The following KCNQ3 variants were observed in gnomAD, a reference collection of about 807,000 sequenced individuals.
The protein encoded by KCNQ3 is potassium voltage-gated channel subfamily Q member 3, also known as potassium voltage-gated channel subfamily KQT member 3.
In KCNQ3, 30 loss-of-function variants were observed where a neutral mutation model predicts 92.5. The ratio of observed to expected loss-of-function variants is 0.32; its 90% CI spans 0.24 to 0.44. The LOEUF (loss-of-function observed/expected upper bound fraction) is 0.44. Ranked by LOEUF, KCNQ3 falls within the 20% of genes least tolerant of loss-of-function variation. The pLI is 1.00. For synonymous variants in KCNQ3, 450 were observed against 468.8 expected (o/e 0.96, Z 0.52); for missense variants, 913 against 1,140.3 (o/e 0.80, Z 2.87).
chr8:132,208,535 G>A (rs977332437), intron 1 of KCNQ3, among the ~76,000 whole-genome samples: 1 of 151,976 alleles, frequency 6.6e-6, no homozygotes, highest in African/African-American at 2.4e-5. Context: ...GTGAAATGAG[G>A]CACAATATTA....
At chr8:132,216,358 G>A (rs986547725) in intron 1 of KCNQ3, among the ~76,000 whole-genome samples, 2 of 152,236 alleles carry the variant, frequency 1.3e-5, no homozygotes, top group African/African-American at 4.8e-5. Context: ...ACCAGGGCTG[G>A]ATGCCACAGG....
At position 132,454,211 on chromosome 8, in the gene KCNQ3, A is replaced by G. The variant is rs1489574779; in HGVS notation, c.386+25936T>C. ...GAGAAGGGCCCAGAAAAGGACTGGG[A>G]GAGAAAGCATGGGCCTGTCCTCGGG... On this transcript the variant is annotated intron_variant, in intron 1 of 14. Transcript: ENST00000388996. 3.3e-5 allele frequency among the ~76,000 whole-genome samples: 5 copies of G among 152,104 alleles called. No homozygotes were observed. In the South Asian group the frequency reaches 6.2e-4, roughly 19 times the overall value.
At chr8:132,384,081 C>G (rs1314538577) in intron 1 of KCNQ3, among the ~76,000 whole-genome samples, 1 of 152,158 alleles carries the variant, frequency 6.6e-6, no homozygotes, top group Non-Finnish European at 1.5e-5. Flanking sequence ...CTTCAAACCC[C>G]AAATCAGAGT....
Position 132,480,224 on chromosome 8 carries a change from C to A in KCNQ3, c.309G>T (p.Lys103Asn). Reference sequence around the variant, plus strand: ...AGATCAAAGTTTGGATGCGCCGGTACTTGGCGTTGTTTCTCTTGACTGGGC... The same window carrying A: ...AGATCAAAGTTTGGATGCGCCGGTAATTGGCGTTGTTTCTCTTGACTGGGC... ...LSRPVKRNNA[K>N]YRRIQTLIYD... Residue 103 changes from lysine (K) to asparagine (N), a missense_variant, in exon 1 of 15, where the codon AAG (lysine) becomes AAT (asparagine). Transcript: ENST00000388996. The A allele has an allele frequency of 6.2e-7, 1 of 1,613,432 alleles. No individual in the cohort carries two copies. Among genetic ancestry groups the A allele is most frequent in the South Asian group, 1.1e-5 (1 of 90,994 alleles).
chr8:132,198,550 C>T (rs547792065), intron 1 of KCNQ3, among the ~76,000 whole-genome samples: 5 of 152,272 alleles, frequency 3.3e-5, no homozygotes, highest in African/African-American at 1.2e-4. Flanking sequence ...TGGCTCATGC[C>T]TGTAATCCCA....
At chr8:132,198,512 A>G (rs987867162) in intron 1 of KCNQ3, among the ~76,000 whole-genome samples, 2 of 152,254 alleles carry the variant, frequency 1.3e-5, no homozygotes, top group African/African-American at 4.8e-5. Context: ...TTTCCTATCT[A>G]TAAAACAGGA....
intron 1 of KCNQ3, among the ~76,000 whole-genome samples, chr8:132,206,100 C>T (rs953304017): frequency 6.6e-6 from 1 of 152,264 alleles, no homozygotes; most frequent in African/African-American, 2.4e-5. Context: ...GGCATTTTCT[C>T]GTCAGTCCTG....
intron 1 of KCNQ3, among the ~76,000 whole-genome samples, chr8:132,204,468 A>G (rs1813589799): frequency 1.3e-5 from 2 of 152,194 alleles, no homozygotes; most frequent in African/African-American, 4.8e-5. Context: ...GAAAAGGCTC[A>G]TCTTTCTCCA....
chr8:132,346,203 C>T (rs1364217960), intron 1 of KCNQ3, among the ~76,000 whole-genome samples: 1 of 152,130 alleles, frequency 6.6e-6, no homozygotes, highest in African/African-American at 2.4e-5. Flanking sequence ...CTTCTCTTCC[C>T]AGAGGGCTCA....
chr8:132,141,079 TG>T (rs1442136065), intron 10 of KCNQ3, 49 bp downstream of exon 10: 1 of 1,538,222 alleles, frequency 6.5e-7, no homozygotes, highest in African/African-American at 1.4e-5. Context: ...GAAGTGGACT[TG>T]GGGGAGGAAG....
At chr8:132,190,446 G>A (rs1827123878) in intron 1 of KCNQ3, among the ~76,000 whole-genome samples, 1 of 152,154 alleles carries the variant, frequency 6.6e-6, no homozygotes, top group African/African-American at 2.4e-5. Flanking sequence ...GCATTCTGGA[G>A]CTAGAGATTC....
At chr8:132,396,537 C>A (rs187038605) in intron 1 of KCNQ3, among the ~76,000 whole-genome samples, 1 of 152,000 alleles carries the variant, frequency 6.6e-6, no homozygotes, top group Non-Finnish European at 1.5e-5. Context: ...ATTTATCCAG[C>A]CTTGCCGCCT....
intron 12 of KCNQ3, among the ~76,000 whole-genome samples, chr8:132,135,425 C>T (rs916228492): frequency 6.6e-6 from 1 of 152,100 alleles, no homozygotes; most frequent in Non-Finnish European, 1.5e-5. Flanking sequence ...CACCCTGAAA[C>T]AGTCATGGCT....
At chr8:132,452,934 T>C (rs937579693) in intron 1 of KCNQ3, among the ~76,000 whole-genome samples, 1 of 152,172 alleles carries the variant, frequency 6.6e-6, no homozygotes, top group African/African-American at 2.4e-5. Flanking sequence ...GACAAATCAG[T>C]AAATAAACAT....
In KCNQ3 at chr8:132,480,437, G is replaced by T; in HGVS notation, c.96C>A (p.Asp32Glu). Residue 32 changes from aspartate to glutamate, a missense_variant, in exon 1 of 15, where the codon GAC becomes GAA. By Grantham distance (45) the Asp-to-Glu change is conservative (BLOSUM62 2). Transcript: ENST00000388996. ...GCTCCTCGTCGCCGGCCGCCGCCGC[G>T]TCCCCTCCGGCTGGGTTAGCCGCCC... is the stretch of plus-strand genomic sequence containing the variant. The part of the protein sequence containing the change: ...GGGAANPAGG[D>E]AAAAGDEERK... 1 of 1,447,722 alleles carries T rather than the reference G, an allele frequency of 6.9e-7. No individual in the cohort carries two copies. The highest frequency in any genetic ancestry group is 2.9e-5 in the East Asian group (1 of 34,156). The allele number at this position is 1,447,722 out of a possible 1,614,324, so 89.7% of individuals were successfully genotyped here. A position where few individuals can be genotyped will look rare whatever the true frequency, so the allele number is the denominator to read the frequency against.
chr8:132,281,819 T>TGGA (rs983844426), intron 1 of KCNQ3, among the ~76,000 whole-genome samples: 22 of 152,094 alleles, frequency 1.4e-4, no homozygotes, highest in Non-Finnish European at 2.6e-4. Flanking sequence ...GCCTACGGGG[T>TGGA]GGAGCCCCAG....
At position 132,128,220 on chromosome 8, in the gene KCNQ3, T is replaced by C. The variant is rs996726188; in HGVS notation, c.*1042A>G. The C allele has an allele frequency of 3.9e-5, 6 of 152,332 alleles. No individual in the cohort carries two copies. The highest frequency in any genetic ancestry group is 2.1e-4 in the South Asian group (1 of 4,824). The allele number at this position is 152,332 out of a possible 1,614,324, so 9.4% of individuals were successfully genotyped here. A position where few individuals can be genotyped will look rare whatever the true frequency, so the allele number is the denominator to read the frequency against. On this transcript the variant is annotated 3_prime_UTR_variant, in exon 15 of 15. Coordinates refer to ENST00000388996, the MANE Select transcript of KCNQ3 (RefSeq NM_004519.4). Reference sequence around the variant, plus strand: ...GTGGGCAGACCTGACTTTTGAGTCCTGGTTCTCTATGGGACAACTGAGTGA... The same window carrying C: ...GTGGGCAGACCTGACTTTTGAGTCCCGGTTCTCTATGGGACAACTGAGTGA...
chr8:132,234,174 C>G (rs1294222642), intron 1 of KCNQ3, among the ~76,000 whole-genome samples: 3 of 152,082 alleles, frequency 2.0e-5, no homozygotes, highest in Non-Finnish European at 4.4e-5. Flanking sequence ...TCTGTATTTA[C>G]AGATAGGAAA....
intron 3 of KCNQ3, among the ~76,000 whole-genome samples, chr8:132,180,754 A>T (rs1826732577): frequency 6.6e-6 from 1 of 151,118 alleles, no homozygotes; most frequent in South Asian, 2.1e-4. Context: ...GCATCACCTG[A>T]GGTAGGAACT....
Sources: allele counts gnomAD v4.1 joint callset (sites outside exome capture counted in the v4.1 genomes callset), GRCh38; gene constraint gnomAD v4.1.1; transcripts MANE v1.5; gene names NCBI Gene and HGNC (gene_info 2026-07-23, HGNC 2026-07-21).